The following MRRF variants were observed in gnomAD, a reference collection of about 807,000 sequenced individuals.
MRRF encodes the protein mitochondrial ribosome recycling factor, also known as ribosome-recycling factor, mitochondrial.
A neutral mutation model predicts 25.1 loss-of-function variants in MRRF; 18 were observed. The ratio of observed to expected loss-of-function variants is 0.72; its 90% CI spans 0.50 to 1.06. The LOEUF is 1.06. Ranked by LOEUF, MRRF falls within the 50% of genes least tolerant of loss-of-function variation. The pLI is 0.00. For synonymous variants in MRRF, 113 were observed against 112.1 expected, an observed-to-expected ratio of 1.01 and a Z score of -0.05; for missense variants, 323 against 319.3, an observed-to-expected ratio of 1.01 and a Z score of -0.09.
chr9:122,299,938 A>G (rs1051101778), intron 5 of MRRF, among the ~76,000 whole-genome samples: 7 of 152,254 alleles, frequency 4.6e-5, no homozygotes, highest in Admixed American at 4.6e-4. Context: ...CACTGTGGGT[A>G]TGTCAGCTTG....
Position 122,322,608 on chromosome 9 carries a change from C to A in MRRF, c.780C>A (p.Leu260=), listed in dbSNP as rs147161287. 1.6e-4 allele frequency: 260 copies of A among 1,613,960 alleles called. No individual in the cohort carries two copies. The highest frequency in any genetic ancestry group is 2.1e-4 in the Non-Finnish European group (253 of 1,180,016). The change falls in exon 7 of 7, where the codon CTC becomes CTA. Residue 260 remains leucine, a synonymous_variant. Transcript: ENST00000344641. The part of the protein sequence containing the change: ...DRHLAVKTKE[L]LG ...ATCTGGCAGTGAAGACCAAAGAACTCCTTGGATGAAAGTCCACTGGGGCCA... is the reference window on the plus strand; with the variant it reads ...ATCTGGCAGTGAAGACCAAAGAACTACTTGGATGAAAGTCCACTGGGGCCA...
Position 122,328,623 on chromosome 9 carries a change from C to T in MRRF, c.*6006C>T, listed in dbSNP as rs1454495615. 1 of 152,166 alleles carries T rather than the reference C, an allele frequency of 6.6e-6. No individual in the cohort carries two copies. The highest frequency in any genetic ancestry group is 2.4e-5 in the African/African-American group (1 of 41,428). 9.4% of individuals were successfully genotyped at this position (152,166 alleles called of 1,614,324 possible). On this transcript the variant is annotated 3_prime_UTR_variant, in exon 7 of 7. Coordinates refer to ENST00000344641, the MANE Select transcript of MRRF (RefSeq NM_138777.5). ...TATATATAAAGCTCCTTTTAACAGA[C>T]ACTTAAATTCATTTACATTTATTTA... is the stretch of plus-strand genomic sequence containing the variant.
intron 5 of MRRF, among the ~76,000 whole-genome samples, chr9:122,311,923 G>T (rs1218078642): frequency 6.6e-6 from 1 of 151,952 alleles, no homozygotes; most frequent in South Asian, 2.1e-4. Context: ...TGCTTTGGCA[G>T]AACAAAAAAG....
Position 122,321,044 on chromosome 9 carries a change from G to A in MRRF, c.712-1496G>A, listed in dbSNP as rs921711701. ...AAAAACTTTAATAATTATTCACTTA[G>A]TGTGTTTTTCCTGAGAACTTGATAT... On this transcript the variant is annotated intron_variant, in intron 6 of 6. Transcript: ENST00000344641. 2.6e-5 allele frequency among the ~76,000 whole-genome samples: 4 copies of A among 152,202 alleles called. No individual in the cohort carries two copies. In the South Asian group the frequency reaches 8.3e-4, roughly 31 times the overall value.
At chr9:122,288,429 CTG>C (rs1489872333) in intron 4 of MRRF, among the ~76,000 whole-genome samples, 1 of 152,164 alleles carries the variant, frequency 6.6e-6, no homozygotes, top group African/African-American at 2.4e-5. Flanking sequence ...GATGAGGAAA[CTG>C]AGACTCAAAG....
At chr9:122,269,460 C>T (rs1025092613) in intron 1 of MRRF, among the ~76,000 whole-genome samples, 6 of 152,006 alleles carry the variant, frequency 3.9e-5, no homozygotes, top group Non-Finnish European at 8.8e-5. Context: ...CATGGTGGCT[C>T]ACACCTGTAA....
chr9:122,283,219 A>G (rs1038810254), intron 3 of MRRF, among the ~76,000 whole-genome samples: 2 of 150,722 alleles, frequency 1.3e-5, no homozygotes, highest in Admixed American at 6.6e-5. Flanking sequence ...TCAGCCTCCC[A>G]ACTAGCTGGG....
At chr9:122,308,107 C>G (rs761787090) in intron 5 of MRRF, among the ~76,000 whole-genome samples, 1 of 152,144 alleles carries the variant, frequency 6.6e-6, no homozygotes, top group East Asian at 1.9e-4. Context: ...CCTGGTGGAG[C>G]TTGTACAAAC....
chr9:122,316,337 T>A (rs1040520986), intron 6 of MRRF, among the ~76,000 whole-genome samples: 1 of 151,902 alleles, frequency 6.6e-6, no homozygotes, highest in African/African-American at 2.4e-5. Context: ...CACCATGCCC[T>A]GCTAATTTTT....
chr9:122,307,219 C>A lies in MRRF; in HGVS notation c.552-6008C>A, dbSNP rs149627609. The stretch of plus-strand genomic sequence containing the variant: ...TGGTGCTGCTGATTTCAGGCCCATG[C>A]TCCTGTAGGGGGGAGTCCCGGAAGC... On this transcript the variant is annotated intron_variant, in intron 5 of 6. Transcript: ENST00000344641. 3.8e-3 allele frequency among the ~76,000 whole-genome samples: 578 copies of A among 152,308 alleles called. 2 individuals are homozygous for A. The highest frequency in any genetic ancestry group is 0.013 in the African/African-American group (557 of 41,566).
intron 5 of MRRF, among the ~76,000 whole-genome samples, chr9:122,303,827 G>T (rs1834636773): frequency 6.6e-6 from 1 of 152,168 alleles, no homozygotes; most frequent in Admixed American, 6.5e-5. Flanking sequence ...CAAAGCCCGG[G>T]CTCTTGCCAT....
intron 5 of MRRF, among the ~76,000 whole-genome samples, chr9:122,311,740 A>C (rs949574992): frequency 1.3e-5 from 2 of 152,202 alleles, no homozygotes; most frequent in Non-Finnish European, 2.9e-5. Flanking sequence ...ATTTGAAATT[A>C]TGTGAAATGC....
intron 5 of MRRF, among the ~76,000 whole-genome samples, chr9:122,304,947 CTT>C (rs112917626): frequency 6.8e-6 from 1 of 146,530 alleles, no homozygotes. Context: ...CCACTTCCCA[CTT>C]TTTTTTTTTT....
At chr9:122,308,544 C>G (rs1323130094) in intron 5 of MRRF, among the ~76,000 whole-genome samples, 4 of 151,396 alleles carry the variant, frequency 2.6e-5, no homozygotes, top group African/African-American at 9.7e-5. Flanking sequence ...ACTAAAAATA[C>G]AAAAATTATC....
At chr9:122,302,022 G>T (rs1395809597) in intron 5 of MRRF, among the ~76,000 whole-genome samples, 3 of 151,938 alleles carry the variant, frequency 2.0e-5, no homozygotes, top group Non-Finnish European at 4.4e-5. Flanking sequence ...GGGATTACAG[G>T]CATAAGACCA....
chr9:122,308,464 C>T (rs1209647230), intron 5 of MRRF, among the ~76,000 whole-genome samples: 1 of 149,854 alleles, frequency 6.7e-6, no homozygotes, highest in Non-Finnish European at 1.5e-5. Flanking sequence ...TCTGGGAGGC[C>T]GAGGCAGGCA....
At chr9:122,296,265 T>A (rs1487502956) in intron 5 of MRRF, among the ~76,000 whole-genome samples, 1 of 152,208 alleles carries the variant, frequency 6.6e-6, no homozygotes, top group Admixed American at 6.5e-5. Flanking sequence ...TGATTTTTAT[T>A]TAGATAAGTT....
intron 3 of MRRF, among the ~76,000 whole-genome samples, chr9:122,282,933 A>G (rs1178547033): frequency 2.0e-5 from 3 of 152,186 alleles, no homozygotes; most frequent in Non-Finnish European, 4.4e-5. Flanking sequence ...GAAGCAAGAC[A>G]GAACAGAGTT....
In MRRF at chr9:122,329,315, C is replaced by T. The variant is rs1836221970; in HGVS notation, c.*6698C>T. The T allele has an allele frequency of 6.6e-6, 1 of 152,200 alleles. No individual in the cohort carries two copies. The highest frequency in any genetic ancestry group is 2.1e-4 in the South Asian group (1 of 4,828). The allele number at this position is 152,200 out of a possible 1,614,324, so 9.4% of individuals were successfully genotyped here. On this transcript the variant is annotated 3_prime_UTR_variant, in exon 7 of 7. Transcript: ENST00000344641. The stretch of plus-strand genomic sequence containing the variant: ...CTATTTTCTTTGCCTAGTGTATGCT[C>T]CCTTAAACCACTTCCCCACCAGCAG...
Sources: gnomAD v4.1 joint callset for allele counts (sites outside exome capture counted in the v4.1 genomes callset) on GRCh38, gnomAD v4.1.1 for gene constraint, MANE v1.5 for transcripts, NCBI Gene and HGNC (gene_info 2026-07-23, HGNC 2026-07-21) for gene names.